The following GLIS3 variants were observed in gnomAD, a reference collection of about 807,000 sequenced individuals.
GLIS3 encodes the protein zinc finger protein GLIS3.
A neutral mutation model predicts 78.6 loss-of-function variants in GLIS3; 53 were observed. That is an observed-to-expected ratio of 0.67 (90% CI 0.54 to 0.85). The LOEUF (loss-of-function observed/expected upper bound fraction) is 0.85. Ranked by LOEUF, GLIS3 falls within the 40% of genes least tolerant of loss-of-function variation. The pLI is 0.00. For missense variants in GLIS3, 1,703 were observed against 1,231.1 expected (o/e 1.38, Z -5.74); for synonymous variants, 684 against 509.9 (o/e 1.34, Z -4.60).
the GLIS3 span, among the ~76,000 whole-genome samples, chr9:4,444,714 G>A: frequency 2.0e-5 from 3 of 152,226 alleles, no homozygotes; most frequent in African/African-American, 7.2e-5. Context: ...GGGGTATATG[G>A]AACCAGTGGC....
chr9:4,438,367 A>G, the GLIS3 span, among the ~76,000 whole-genome samples: 3 of 152,298 alleles, frequency 2.0e-5, no homozygotes, highest in Admixed American at 2.0e-4. Flanking sequence ...ATACTAATTA[A>G]AAGCAATTAA....
At chr9:4,067,265 C>A (rs923256760) in intron 4 of GLIS3, among the ~76,000 whole-genome samples, 11 of 151,082 alleles carry the variant, frequency 7.3e-5, no homozygotes, top group Admixed American at 6.6e-4. Flanking sequence ...ATATTAAAGA[C>A]TCACTATATT....
intron 8 of GLIS3, among the ~76,000 whole-genome samples, chr9:3,866,269 TAAAC>T (rs1487101430): frequency 1.3e-5 from 2 of 152,070 alleles, no homozygotes; most frequent in Non-Finnish European, 2.9e-5. Context: ...AAGCAATTAG[TAAAC>T]AAACAGTGCA....
At chr9:3,905,075 C>A (rs375618065) in intron 6 of GLIS3, among the ~76,000 whole-genome samples, 8 of 151,518 alleles carry the variant, frequency 5.3e-5, no homozygotes, top group Non-Finnish European at 1.5e-5. Flanking sequence ...CAGGTTCATG[C>A]CATTCTCCTG....
the GLIS3 span, among the ~76,000 whole-genome samples, chr9:4,441,554 G>C: frequency 3.2e-3 from 482 of 152,172 alleles, 5 homozygotes; most frequent in South Asian, 0.042. Flanking sequence ...CTAGTGTTTT[G>C]TTGAGGATTT....
intron 9 of GLIS3, among the ~76,000 whole-genome samples, chr9:3,839,456 T>G (rs529484395): frequency 5.6e-4 from 85 of 152,012 alleles, no homozygotes; most frequent in Non-Finnish European, 1.2e-3. Flanking sequence ...CAGAATTCTG[T>G]CATAAGGAAG....
chr9:3,949,593 C>T (rs1816529520), intron 4 of GLIS3, among the ~76,000 whole-genome samples: 3 of 152,150 alleles, frequency 2.0e-5, no homozygotes, highest in Non-Finnish European at 1.5e-5. Flanking sequence ...CAAAACTTGG[C>T]CCTCCTTAGG....
rs1302785487 is a variant in GLIS3, at chr9:4,222,659, C to A, written c.388+63379G>T. On this transcript the variant is annotated intron_variant, in intron 2 of 10. Coordinates refer to ENST00000381971, the MANE Select transcript of GLIS3 (RefSeq NM_001042413.2). ...CAGGCAAGTGTTTGGATGTGAAGGT[C>A]AAAGAACAGTGCTACTGTAAGAGGA... 2.6e-5 allele frequency among the ~76,000 whole-genome samples: 4 copies of A among 152,270 alleles called. No homozygotes were observed. The East Asian group carries it at 7.7e-4, about 29-fold the overall frequency.
upstream of GLIS3, among the ~76,000 whole-genome samples, chr9:4,301,657 C>T (rs1191019472): frequency 2.0e-5 from 3 of 152,198 alleles, no homozygotes; most frequent in Admixed American, 6.5e-5. Context: ...AAAAACCTTT[C>T]CAATGTCCCT....
At chr9:4,375,844 C>T in the GLIS3 span, among the ~76,000 whole-genome samples, 6 of 152,016 alleles carry the variant, frequency 3.9e-5, no homozygotes, top group African/African-American at 1.4e-4. Context: ...GCTCTCCTGT[C>T]GTGATAGTAA....
chr9:4,364,875 C>T, the GLIS3 span, among the ~76,000 whole-genome samples: 2 of 149,788 alleles, frequency 1.3e-5, 1 homozygote, highest in South Asian at 4.3e-4. Flanking sequence ...CCTTCAACTC[C>T]TGGGCTCAAG....
chr9:4,385,344 C>T, the GLIS3 span, among the ~76,000 whole-genome samples: 1 of 152,188 alleles, frequency 6.6e-6, no homozygotes, highest in Non-Finnish European at 1.5e-5. Flanking sequence ...CTCCATGAAC[C>T]TCAGACTTAG....
rs767395428 is a variant in GLIS3, at chr9:4,118,145, G to C, written c.1333C>G (p.Pro445Ala). 73 of 1,553,912 alleles carry C rather than the reference G, an allele frequency of 4.7e-5. No individual in the cohort carries two copies. Among genetic ancestry groups the C allele is most frequent in the Non-Finnish European group, 5.8e-5 (67 of 1,149,572 alleles). The change falls in exon 4 of 11, where the codon CCC becomes GCC. Residue 445 changes from proline to alanine, a missense_variant. Pro to Ala is a conservative substitution (Grantham distance 27). Transcript: ENST00000381971. The surrounding 1 kb of genome is among the most constrained non-coding windows in gnomAD (Gnocchi z 4.7). ...EFPGSTVDLPPAPPLPPLPPP... is the reference protein window; with the variant it reads ...EFPGSTVDLPAAPPLPPLPPP... ...GGCAGAGGAGGGAGCGGAGGCGCGG[G>C]GGGTAGGTCTACGGTGCTGCCCGGG...
intron 2 of GLIS3, among the ~76,000 whole-genome samples, chr9:4,215,823 G>T (rs964850788): frequency 6.6e-6 from 1 of 152,150 alleles, no homozygotes; most frequent in African/African-American, 2.4e-5. Flanking sequence ...ACAATACTTG[G>T]TTGGTGTTTG....
the GLIS3 span, among the ~76,000 whole-genome samples, chr9:4,397,218 G>T: frequency 1.4e-5 from 2 of 142,128 alleles, no homozygotes; most frequent in African/African-American, 5.5e-5. Flanking sequence ...GTAGAGACGG[G>T]GTTTCACCGT....
chr9:4,490,445 G>A, the GLIS3 span: 3 of 294,618 alleles, frequency 1.0e-5, no homozygotes, highest in African/African-American at 2.2e-5. Flanking sequence ...GCGGCAGCAG[G>A]AGGAGCCGGG....
rs116870142 is a variant in GLIS3 at position 4,314,504 on chromosome 9, C to T, written n.265-3976G>A. On this transcript the variant is annotated intron_variant and non_coding_transcript_variant, in intron 2 of 4. Coordinates refer to the GLIS3 transcript ENST00000471664. ...TTTTTCCATTTAAGGCAGTCTAGAA[C>T]TTTGATGATGCTATGTGGTCTTCAG... 1.4e-3 allele frequency among the ~76,000 whole-genome samples: 214 copies of T among 152,326 alleles called. 5 individuals carry two copies. The East Asian group carries it at 0.037, about 26-fold the overall frequency.
intron 2 of GLIS3, among the ~76,000 whole-genome samples, chr9:4,227,665 T>C (rs1821892562): frequency 6.6e-6 from 1 of 152,196 alleles, no homozygotes; most frequent in African/African-American, 2.4e-5. Flanking sequence ...AGCAGACCTA[T>C]CCGGGACTTC....
chr9:3,927,487 C>G (rs1406681572), intron 6 of GLIS3, among the ~76,000 whole-genome samples: 1 of 152,190 alleles, frequency 6.6e-6, no homozygotes, highest in African/African-American at 2.4e-5. Flanking sequence ...AAAGAAATAT[C>G]TAATAACATT....
Sources: allele counts gnomAD v4.1 joint callset (sites outside exome capture counted in the v4.1 genomes callset), GRCh38; gene constraint gnomAD v4.1.1; non-coding constraint Gnocchi (gnomAD v3.1); transcripts MANE v1.5; gene names NCBI Gene and HGNC (gene_info 2026-07-23, HGNC 2026-07-21).